The following ACSBG1 variants were observed in gnomAD, a reference collection of about 807,000 sequenced individuals.
The protein encoded by ACSBG1 is long-chain-fatty-acid--CoA ligase ACSBG1.
In ACSBG1, 39 loss-of-function variants were observed where a neutral mutation model predicts 80.2. That is an observed-to-expected ratio of 0.49 (90% confidence interval 0.38 to 0.64). The LOEUF (loss-of-function observed/expected upper bound fraction) is 0.64, where lower values mean the gene tolerates loss of function less well. Among genes scored for constraint, ACSBG1 ranks in the 30% least tolerant of loss-of-function variants. ACSBG1 has a pLI of 0.00. For synonymous variants in ACSBG1, 392 were observed against 379.5 expected (o/e 1.03, Z -0.38); for missense variants, 828 against 966.4 (o/e 0.86, Z 1.90).
At chr15:78,174,002 G>A (rs143763298) in intron 12 of ACSBG1, among the ~76,000 whole-genome samples, 163 bp from the exon 13 acceptor site, 44 of 152,306 alleles carry the variant, frequency 2.9e-4, no homozygotes, top group African/African-American at 9.6e-4. Flanking sequence ...TGAGCCTCGT[G>A]TTATTGTGGA....
Position 78,177,667 on chromosome 15 carries a change from C to T in ACSBG1, c.1702+947G>A, listed in dbSNP as rs918074332. ...ACATCCCAGGGCCCAAACGCCACCG[C>T]GACCTTTTGTCCCTCCCTGGGGTGG... On this transcript the variant is annotated intron_variant, in intron 11 of 13. Coordinates refer to ENST00000258873, the MANE Select transcript of ACSBG1 (RefSeq NM_015162.5). This position sits in a 1 kb window ranked among gnomAD's most constrained non-coding sequence, Gnocchi z 4.1. Among the ~76,000 whole-genome samples, 9 of 152,212 alleles carry T rather than the reference C, an allele frequency of 5.9e-5. No individual in the cohort carries two copies. Among genetic ancestry groups the T allele is most frequent in the East Asian group, 5.8e-4 (3 of 5,186 alleles).
intron 1 of ACSBG1, among the ~76,000 whole-genome samples, chr15:78,223,592 T>TTA (rs2075376627): frequency 6.6e-6 from 1 of 152,126 alleles, no homozygotes; most frequent in South Asian, 2.1e-4. Context: ...CTCAAATAGC[T>TTA]TATGGAGAGG....
chr15:78,228,136 A>C (rs1026437063), intron 1 of ACSBG1, among the ~76,000 whole-genome samples: 1 of 152,194 alleles, frequency 6.6e-6, no homozygotes, highest in Admixed American at 6.5e-5. Flanking sequence ...ACATGGTCAC[A>C]ACCTTTACAG....
At chr15:78,223,658 T>C (rs913575825) in intron 1 of ACSBG1, among the ~76,000 whole-genome samples, 7 of 152,164 alleles carry the variant, frequency 4.6e-5, no homozygotes, top group East Asian at 1.9e-4. Flanking sequence ...AAGTTGAAAA[T>C]GTCCCTCACA....
intron 1 of ACSBG1, among the ~76,000 whole-genome samples, chr15:78,224,053 C>T (rs1228845201): frequency 1.3e-5 from 2 of 152,182 alleles, no homozygotes; most frequent in African/African-American, 4.8e-5. Context: ...CAATTTTGAA[C>T]TTCTGTCTTC....
intron 1 of ACSBG1, among the ~76,000 whole-genome samples, chr15:78,230,013 T>C (rs2075433290): frequency 6.6e-6 from 1 of 152,202 alleles, no homozygotes; most frequent in South Asian, 2.1e-4. Flanking sequence ...AAACACAGGA[T>C]GGACTGTCCT....
intron 1 of ACSBG1, among the ~76,000 whole-genome samples, chr15:78,229,555 G>A (rs955507999): frequency 4.6e-5 from 7 of 152,162 alleles, no homozygotes; most frequent in African/African-American, 1.4e-4. Context: ...TCCTGCGACC[G>A]TTCCACATCC....
intron 1 of ACSBG1, among the ~76,000 whole-genome samples, chr15:78,213,224 TC>T (rs1287095623): frequency 2.6e-5 from 4 of 152,194 alleles, no homozygotes; most frequent in Non-Finnish European, 5.9e-5. Flanking sequence ...AACAATATAG[TC>T]TGCAATGGCG....
At chr15:78,187,787 C>T (rs2075019814) in intron 5 of ACSBG1, among the ~76,000 whole-genome samples, 1 of 152,180 alleles carries the variant, frequency 6.6e-6, no homozygotes, top group Non-Finnish European at 1.5e-5. Flanking sequence ...CCCTCTCTCA[C>T]CACTCCTATT....
rs1407595124 is a variant in ACSBG1 at position 78,169,555 on chromosome 15, A to G, written c.*1889T>C. ...TAAATGATATGGAAAATAGAGACAG[A>G]TTTGTCCTTTACAGAAATTACTGAG... is the stretch of plus-strand genomic sequence containing the variant. On this transcript the variant is annotated 3_prime_UTR_variant, in exon 14 of 14. Coordinates refer to ENST00000258873, the MANE Select transcript of ACSBG1 (RefSeq NM_015162.5). 2.6e-5 allele frequency: 4 copies of G among 152,242 alleles called. No individual in the cohort carries two copies. Among genetic ancestry groups the G allele is most frequent in the African/African-American group, 9.6e-5 (4 of 41,462 alleles). The allele number at this position is 152,242 out of a possible 1,614,324, so 9.4% of individuals were successfully genotyped here.
intron 9 of ACSBG1, among the ~76,000 whole-genome samples, chr15:78,180,021 C>A (rs893827004): frequency 6.6e-6 from 1 of 152,152 alleles, no homozygotes; most frequent in African/African-American, 2.4e-5. Context: ...GGAAGTCAAA[C>A]AGATTCAGCT....
intron 1 of ACSBG1, among the ~76,000 whole-genome samples, chr15:78,233,428 C>T (rs561257457): frequency 8.4e-4 from 128 of 152,306 alleles, no homozygotes; most frequent in Non-Finnish European, 1.4e-3. Context: ...CTGGCAATTC[C>T]TCCCCATTAC....
rs560882920 is a variant in ACSBG1 at position 78,232,194 on chromosome 15, C to T, written c.131+2177G>A. Reference sequence around the variant, plus strand: ...TGATGGAATCCACCCAATTTTTCTGCAATGTCAATGAAGTTCAGGCGTTGT... The same window carrying T: ...TGATGGAATCCACCCAATTTTTCTGTAATGTCAATGAAGTTCAGGCGTTGT... On this transcript the variant is annotated intron_variant, in intron 1 of 13. Transcript: ENST00000258873. 2.0e-5 allele frequency among the ~76,000 whole-genome samples: 3 copies of T among 152,332 alleles called. No homozygotes were observed. In the East Asian group the frequency reaches 5.8e-4, roughly 29 times the overall value.
At chr15:78,191,067 A>G (rs1172861034) in intron 5 of ACSBG1, among the ~76,000 whole-genome samples, 1 of 152,222 alleles carries the variant, frequency 6.6e-6, no homozygotes, top group Admixed American at 6.5e-5. Context: ...AAAGAACACA[A>G]AAATACATAA....
At chr15:78,208,433 TGGATGAGGACGGG>T (rs1411948237) in intron 1 of ACSBG1, among the ~76,000 whole-genome samples, 1 of 152,162 alleles carries the variant, frequency 6.6e-6, no homozygotes, top group African/African-American at 2.4e-5. Context: ...GCACCCCACC[TGGATGAGGACGGG>T]GCTAAGGTCC....
At chr15:78,188,949 A>G (rs2141341316) in intron 5 of ACSBG1, among the ~76,000 whole-genome samples, 1 of 148,916 alleles carries the variant, frequency 6.7e-6, no homozygotes, top group South Asian at 2.2e-4. Flanking sequence ...TCCAGAATCT[A>G]CAATGAACTC....
intron 11 of ACSBG1, among the ~76,000 whole-genome samples, chr15:78,175,435 C>G (rs12915990): frequency 0.54 from 82,523 of 152,086 alleles, 23,289 homozygotes; most frequent in African/African-American, 0.68. Context: ...CACAGTGCAG[C>G]GGGGCAGTGA....
At chr15:78,219,454 TATTCA>T (rs940872909) in intron 1 of ACSBG1, among the ~76,000 whole-genome samples, 5 of 148,972 alleles carry the variant, frequency 3.4e-5, no homozygotes, top group African/African-American at 9.9e-5. Flanking sequence ...TAGTAGAAAC[TATTCA>T]ATCCAAAGGG....
intron 1 of ACSBG1, among the ~76,000 whole-genome samples, chr15:78,231,889 C>T (rs117140491): frequency 0.025 from 3,782 of 152,324 alleles, 84 homozygotes; most frequent in Non-Finnish European, 0.04. Context: ...GCACCTGGCT[C>T]TCTCTGACTT....
Sources: allele counts gnomAD v4.1 joint callset (sites outside exome capture counted in the v4.1 genomes callset), GRCh38; gene constraint gnomAD v4.1.1; non-coding constraint Gnocchi (gnomAD v3.1); transcripts MANE v1.5; gene names NCBI Gene and HGNC (gene_info 2026-07-23, HGNC 2026-07-21).